Variants in EXOC5 observed in about 807,000 individuals in gnomAD.
The protein encoded by EXOC5 is SEC10-like 1.
A neutral mutation model predicts 90.8 loss-of-function variants in EXOC5; 17 were observed. The observed-to-expected ratio is 0.19, with a 90% CI of 0.13 to 0.28. The LOEUF is 0.28. Among genes scored for constraint, EXOC5 ranks in the 10% least tolerant of loss-of-function variants. The probability of loss-of-function intolerance (pLI) is 1.00; values close to 1 mark genes in which losing one functional copy is unlikely to be tolerated. For synonymous variants in EXOC5, 260 were observed against 270.0 expected, an observed-to-expected ratio of 0.96 and a Z score of 0.36; for missense variants, 569 against 830.6, an observed-to-expected ratio of 0.69 and a Z score of 3.87.
chr14:57,262,041 T>C (rs1884518214), intron 1 of EXOC5, among the ~76,000 whole-genome samples: 1 of 152,220 alleles, frequency 6.6e-6, no homozygotes, highest in South Asian at 2.1e-4. Flanking sequence ...TGTAATCCTC[T>C]CCTACTATAA....
chr14:57,234,509 A>C, intron 7 of EXOC5, among the ~76,000 whole-genome samples: 1 of 126,328 alleles, frequency 7.9e-6, no homozygotes, highest in Admixed American at 7.6e-5. Flanking sequence ...GTGTATATAT[A>C]CGTGTGTGTG....
In EXOC5 at chr14:57,268,643, A is replaced by T; in HGVS notation, c.6T>A (p.Ala2=). 1 of 1,590,488 alleles carries T rather than the reference A, an allele frequency of 6.3e-7. No homozygotes were observed. The highest frequency in any genetic ancestry group is 8.5e-7 in the Non-Finnish European group (1 of 1,174,810). Reference sequence around the variant, plus strand: ...CCACCTCGAAGAGCTCGGCCGTGGTAGCCATCCCGGCCGGCTGAGAGGCTC... The same window carrying T: ...CCACCTCGAAGAGCTCGGCCGTGGTTGCCATCCCGGCCGGCTGAGAGGCTC... The part of the protein sequence containing the change: M[A]TTAELFEEPF... Residue 2 remains alanine, a synonymous_variant, in exon 1 of 18, where the codon GCT becomes GCA. Transcript: ENST00000621441.
intron 2 of EXOC5, 42 bp from the exon 3 acceptor site, chr14:57,246,900 T>C (rs1340062704): frequency 1.6e-6 from 2 of 1,238,048 alleles, no homozygotes; most frequent in Non-Finnish European, 2.3e-6. Flanking sequence ...CTACCTATTA[T>C]TAATCCTTAG....
rs1882508921 is a variant in EXOC5, at chr14:57,201,566, T to C, written c.*7043A>G. 1 of 92,120 alleles carries C rather than the reference T, an allele frequency of 1.1e-5. No individual in the cohort carries two copies. The highest frequency in any genetic ancestry group is 1.1e-4 in the African/African-American group (1 of 8,856). The allele number at this position is 92,120 out of a possible 1,614,324, so 5.7% of individuals were successfully genotyped here. ...ATACATATATTTTTATATATATTAA[T>C]ATTATATATATATATATATATATAT... On this transcript the variant is annotated 3_prime_UTR_variant, in exon 18 of 18. Transcript: ENST00000621441.
intron 1 of EXOC5, among the ~76,000 whole-genome samples, chr14:57,263,597 C>G (rs1183496727): frequency 2.0e-5 from 3 of 151,314 alleles, no homozygotes; most frequent in African/African-American, 7.3e-5. Context: ...GAAAGCCCAT[C>G]TCTACTAAAA....
At chr14:57,213,124 C>T (rs1273442418) in intron 15 of EXOC5, among the ~76,000 whole-genome samples, 1 of 150,860 alleles carries the variant, frequency 6.6e-6, no homozygotes, top group Non-Finnish European at 1.5e-5. Flanking sequence ...TGACTCACAC[C>T]TGTAATCCCA....
chr14:57,216,243 C>A, intron 15 of EXOC5, among the ~76,000 whole-genome samples: 1 of 149,858 alleles, frequency 6.7e-6, no homozygotes. Context: ...CAATGCATTC[C>A]CAATCAAAAT....
chr14:57,255,648 TAC>T (rs1884327826), intron 1 of EXOC5, among the ~76,000 whole-genome samples: 1 of 151,944 alleles, frequency 6.6e-6, no homozygotes, highest in Admixed American at 6.6e-5. Context: ...GCCTGGGCAA[TAC>T]AGTGAAACCC....
chr14:57,233,364 T>G, intron 9 of EXOC5: 1 of 164,110 alleles, frequency 6.1e-6, no homozygotes, highest in Non-Finnish European at 1.3e-5. Flanking sequence ...CTTTTCAGGT[T>G]AGTACCATAT....
At position 57,201,478 on chromosome 14, in the gene EXOC5, A is replaced by G. The variant is rs1446627588; in HGVS notation, c.*7131T>C. 5.3e-5 allele frequency: 7 copies of G among 132,534 alleles called. No homozygotes were observed. In the South Asian group the frequency reaches 6.5e-4, roughly 12 times the overall value. The allele number at this position is 132,534 out of a possible 1,614,324, so 8.2% of individuals were successfully genotyped here. ...TACACACGCGTGTATATGTACACAC[A>G]CGTGTATAAACACACGTGTATATAC... On this transcript the variant is annotated 3_prime_UTR_variant, in exon 18 of 18. Transcript: ENST00000621441.
intron 14 of EXOC5, 141 bp downstream of exon 14, chr14:57,219,181 T>C (rs1361611445): frequency 9.3e-6 from 4 of 431,912 alleles, no homozygotes; most frequent in Non-Finnish European, 1.6e-5. Flanking sequence ...AGAACTTTTA[T>C]ATTTTTATTT....
chr14:57,252,752 A>T (rs560303623), intron 1 of EXOC5, among the ~76,000 whole-genome samples: 1 of 152,310 alleles, frequency 6.6e-6, no homozygotes, highest in Admixed American at 6.5e-5. Flanking sequence ...TAAAAACAGA[A>T]ATACCATAAT....
rs539116991 is a variant in EXOC5 at position 57,268,151 on chromosome 14, A to G, written c.27+471T>C. On this transcript the variant is annotated intron_variant, in intron 1 of 17. Transcript: ENST00000621441. ...TGCCACCTGCAACCTTACTAATGGAATAATTACTCAAAACGAGAAGCCCCC... is the reference window on the plus strand; with the variant it reads ...TGCCACCTGCAACCTTACTAATGGAGTAATTACTCAAAACGAGAAGCCCCC... The G allele has an allele frequency of 1.5e-4, 25 of 171,922 alleles. No homozygotes were observed. In the South Asian group the frequency reaches 3.2e-3, roughly 22 times the overall value. The allele number at this position is 171,922 out of a possible 1,614,324, so 10.6% of individuals were successfully genotyped here.
intron 1 of EXOC5, among the ~76,000 whole-genome samples, chr14:57,255,844 A>G (rs530011651): frequency 6.6e-6 from 1 of 152,176 alleles, no homozygotes; most frequent in East Asian, 1.9e-4. Context: ...AAAGCAAAAA[A>G]AAAAAAAAAA....
In EXOC5 at chr14:57,203,823, G is replaced by A. The variant is rs1882569333; in HGVS notation, c.*4786C>T. 1.3e-5 allele frequency: 2 copies of A among 152,530 alleles called. No individual in the cohort carries two copies. The highest frequency in any genetic ancestry group is 4.8e-5 in the African/African-American group (2 of 41,428). The allele number at this position is 152,530 out of a possible 1,614,324, so 9.4% of individuals were successfully genotyped here. A position where few individuals can be genotyped will look rare whatever the true frequency, so the allele number is the denominator to read the frequency against. On this transcript the variant is annotated 3_prime_UTR_variant, in exon 18 of 18. Coordinates refer to ENST00000621441, the MANE Select transcript of EXOC5 (RefSeq NM_006544.4). ...TGAATTATTGACAATTTTAATACAT[G>A]TTGCACAGTACATATTAATATAGAA... is the stretch of plus-strand genomic sequence containing the variant.
At chr14:57,234,537 G>GTATA (rs1207873435) in intron 7 of EXOC5, among the ~76,000 whole-genome samples, 5 of 141,166 alleles carry the variant, frequency 3.5e-5, no homozygotes, top group Non-Finnish European at 7.7e-5. Context: ...GTGTGTGTGT[G>GTATA]TATATATATA....
rs761920687 is a variant in EXOC5 at position 57,209,566 on chromosome 14, C to T, written c.1938+1G>A. On this transcript the variant is annotated splice_donor_variant, in intron 17 of 17. Coordinates refer to ENST00000621441, the MANE Select transcript of EXOC5 (RefSeq NM_006544.4). LOFTEE classifies it high-confidence loss of function. ...AGTTTGATGTTTTTGTGTACACATACCTTGAAGTCTTTGGCACACTTCCTA... is the reference window on the plus strand; with the variant it reads ...AGTTTGATGTTTTTGTGTACACATATCTTGAAGTCTTTGGCACACTTCCTA... The T allele has an allele frequency of 6.3e-7, 1 of 1,594,858 alleles. No individual in the cohort carries two copies. Among genetic ancestry groups the T allele is most frequent in the African/African-American group, 1.4e-5 (1 of 74,022 alleles).
chr14:57,236,881 A>G (rs1345003221), intron 6 of EXOC5, among the ~76,000 whole-genome samples: 4 of 151,548 alleles, frequency 2.6e-5, no homozygotes, highest in African/African-American at 7.3e-5. Flanking sequence ...TAAGGAGTTA[A>G]ATAGATACTG....
chr14:57,205,919 T>C lies in EXOC5; in HGVS notation c.*2690A>G, dbSNP rs1882637020. On this transcript the variant is annotated 3_prime_UTR_variant, in exon 18 of 18. Transcript: ENST00000621441. Reference sequence around the variant, plus strand: ...CCTGGAATGGTCAGGTGGTCATCCATCTAAAGATCCATCCAGCTACTATTT... The same window carrying C: ...CCTGGAATGGTCAGGTGGTCATCCACCTAAAGATCCATCCAGCTACTATTT... The C allele has an allele frequency of 6.6e-6, 3 of 456,154 alleles. No individual in the cohort carries two copies. The highest frequency in any genetic ancestry group is 1.5e-5 in the South Asian group (1 of 64,538). 28.3% of individuals were successfully genotyped at this position (456,154 alleles called of 1,614,324 possible). A position where few individuals can be genotyped will look rare whatever the true frequency, so the allele number is the denominator to read the frequency against.
Sources: allele counts gnomAD v4.1 joint callset (sites outside exome capture counted in the v4.1 genomes callset), GRCh38; gene constraint gnomAD v4.1.1; transcripts MANE v1.5; gene names NCBI Gene and HGNC (gene_info 2026-07-23, HGNC 2026-07-21).